The following HIPK3 variants were observed in gnomAD, a reference collection of about 807,000 sequenced individuals.
HIPK3 encodes the protein homeodomain interacting protein kinase 3.
In HIPK3, 47 loss-of-function variants were observed where a neutral mutation model predicts 124.2. That is an observed-to-expected ratio of 0.38 (90% confidence interval 0.30 to 0.48). The LOEUF is 0.48. Ranked by LOEUF, HIPK3 falls within the 20% of genes least tolerant of loss-of-function variation. The pLI is 0.98. For missense variants in HIPK3, 1,286 were observed against 1,454.3 expected (o/e 0.88, Z 1.88); for synonymous variants, 482 against 515.2 (o/e 0.94, Z 0.87).
At chr11:33,352,736 A>C (rs762947416) in intron 16 of HIPK3, among the ~76,000 whole-genome samples, 14 of 152,132 alleles carry the variant, frequency 9.2e-5, no homozygotes, top group Non-Finnish European at 1.8e-4. Flanking sequence ...TAATTATATC[A>C]TGGGTTGTTT....
chr11:33,298,898 G>A (rs1462049247), intron 2 of HIPK3, among the ~76,000 whole-genome samples: 1 of 152,102 alleles, frequency 6.6e-6, no homozygotes, highest in Non-Finnish European at 1.5e-5. Flanking sequence ...CCAGGCTGGA[G>A]TGCAGTGGTG....
At chr11:33,276,428 G>A (rs576992230) in intron 1 of HIPK3, among the ~76,000 whole-genome samples, 9 of 152,222 alleles carry the variant, frequency 5.9e-5, no homozygotes, top group South Asian at 4.1e-4. Context: ...AATATTTTAA[G>A]TGTTAATATG....
At chr11:33,258,233 A>T (rs1235308682) in intron 1 of HIPK3, 1 of 481,680 alleles carries the variant, frequency 2.1e-6, no homozygotes, top group Non-Finnish European at 2.7e-6. Flanking sequence ...AAGGTTGCGC[A>T]ACGGCTCTTC....
chr11:33,302,746 GACC>G (rs752810204), intron 2 of HIPK3, among the ~76,000 whole-genome samples: 36 of 152,130 alleles, frequency 2.4e-4, no homozygotes, highest in Non-Finnish European at 4.1e-4. Context: ...AGAACGAGTG[GACC>G]AGGAGCTGTT....
chr11:33,337,954 G>C (rs1853207508), intron 4 of HIPK3, among the ~76,000 whole-genome samples: 1 of 152,150 alleles, frequency 6.6e-6, no homozygotes, highest in Non-Finnish European at 1.5e-5. Context: ...TTACAGGTGT[G>C]AGCCACTGTG....
chr11:33,261,132 A>AT (rs1850810034), intron 1 of HIPK3, among the ~76,000 whole-genome samples: 1 of 77,712 alleles, frequency 1.3e-5, no homozygotes, highest in African/African-American at 3.9e-5. Flanking sequence ...TATATTATAT[A>AT]TAAAATATAA....
chr11:33,267,850 C>T (rs1352148243), intron 1 of HIPK3, among the ~76,000 whole-genome samples: 1 of 152,102 alleles, frequency 6.6e-6, no homozygotes, highest in Non-Finnish European at 1.5e-5. Context: ...AACTTGGAGT[C>T]CTTAAAAGCA....
chr11:33,283,013 T>G (rs960481634), intron 1 of HIPK3, among the ~76,000 whole-genome samples: 5 of 152,194 alleles, frequency 3.3e-5, no homozygotes, highest in Non-Finnish European at 7.3e-5. Context: ...TTTTCTTCAT[T>G]AAAAGAACAA....
intron 8 of HIPK3, among the ~76,000 whole-genome samples, chr11:33,345,785 C>G (rs1181358885): frequency 6.6e-6 from 1 of 151,982 alleles, no homozygotes; most frequent in Non-Finnish European, 1.5e-5. Flanking sequence ...AGGTGGAGCA[C>G]AGAGAGTAGA....
chr11:33,319,840 CAT>C (rs1852613377), intron 2 of HIPK3, among the ~76,000 whole-genome samples: 2 of 152,166 alleles, frequency 1.3e-5, no homozygotes, highest in Admixed American at 1.3e-4. Context: ...AATAAGCCAA[CAT>C]ATTTATCAGT....
intron 2 of HIPK3, among the ~76,000 whole-genome samples, chr11:33,300,911 T>A (rs1036840375): frequency 6.6e-6 from 1 of 152,144 alleles, no homozygotes; most frequent in African/African-American, 2.4e-5. Flanking sequence ...AATTTTTGTA[T>A]TGTTTTGTAG....
At chr11:33,295,341 G>A (rs1851815272) in intron 2 of HIPK3, among the ~76,000 whole-genome samples, 1 of 144,650 alleles carries the variant, frequency 6.9e-6, no homozygotes, top group Non-Finnish European at 1.5e-5. Context: ...GGACTGTTCG[G>A]CTCATCTGTT....
chr11:33,314,177 A>G (rs1852428105), intron 2 of HIPK3, among the ~76,000 whole-genome samples: 1 of 152,214 alleles, frequency 6.6e-6, no homozygotes, highest in African/African-American at 2.4e-5. Context: ...CATGGTGGTG[A>G]GGAGCTTGGA....
At chr11:33,309,229 C>T (rs116011221) in intron 2 of HIPK3, among the ~76,000 whole-genome samples, 43 of 152,316 alleles carry the variant, frequency 2.8e-4, no homozygotes, top group African/African-American at 9.9e-4. Flanking sequence ...CAGGTTCCCA[C>T]TCAAGTCCAT....
chr11:33,336,229 T>C (rs1853144151), intron 3 of HIPK3, among the ~76,000 whole-genome samples: 6 of 152,128 alleles, frequency 3.9e-5, no homozygotes, highest in Admixed American at 1.3e-4. Context: ...CATACAGATA[T>C]CTAGGGGAAG....
chr11:33,290,900 C>T (rs1001923566), intron 2 of HIPK3, among the ~76,000 whole-genome samples: 2 of 152,092 alleles, frequency 1.3e-5, no homozygotes, highest in Non-Finnish European at 2.9e-5. Flanking sequence ...AGAAGCTATA[C>T]AATTGCTATG....
At chr11:33,305,173 G>A (rs1852120004) in intron 2 of HIPK3, among the ~76,000 whole-genome samples, 1 of 151,964 alleles carries the variant, frequency 6.6e-6, no homozygotes, top group African/African-American at 2.4e-5. Context: ...ACCAACTTTT[G>A]TATTTTTTGG....
intron 1 of HIPK3, among the ~76,000 whole-genome samples, chr11:33,267,565 G>A (rs193132495): frequency 6.6e-6 from 1 of 151,650 alleles, no homozygotes; most frequent in East Asian, 1.9e-4. Context: ...GCGTGATCTC[G>A]GCTCACTGCA....
chr11:33,274,169 T>G (rs117745505), intron 1 of HIPK3, among the ~76,000 whole-genome samples: 4,562 of 152,310 alleles, frequency 0.03, 92 homozygotes, highest in South Asian at 0.063. Context: ...TCCTTTTTAT[T>G]GCTGTCAGCA....
Sources: gnomAD v4.1 joint callset for allele counts (sites outside exome capture counted in the v4.1 genomes callset) on GRCh38, gnomAD v4.1.1 for gene constraint, MANE v1.5 for transcripts, NCBI Gene and HGNC (gene_info 2026-07-23, HGNC 2026-07-21) for gene names.